The following DERA variants were observed in gnomAD, a reference collection of about 807,000 sequenced individuals.
The protein encoded by DERA is deoxyribose-phosphate aldolase.
A neutral mutation model predicts 41.1 loss-of-function variants in DERA; 15 were observed. The observed-to-expected ratio is 0.37, with a 90% CI of 0.24 to 0.56. The LOEUF (loss-of-function observed/expected upper bound fraction) is 0.56. Ranked by LOEUF, DERA falls within the 20% of genes least tolerant of loss-of-function variation. The pLI is 0.81. For missense variants in DERA, 396 were observed against 403.4 expected (o/e 0.98, Z 0.16); for synonymous variants, 139 against 137.4 (o/e 1.01, Z -0.08).
At chr12:16,033,742 TGTAA>T (rs199755236) in intron 7 of DERA, among the ~76,000 whole-genome samples, 1,871 of 152,232 alleles carry the variant, frequency 0.012, 40 homozygotes, top group African/African-American at 0.042. Context: ...TGACTTTATA[TGTAA>T]GTGTAGCTTC....
At position 15,962,922 on chromosome 12, in the gene DERA, C is replaced by G. The variant is rs1381808291; in HGVS notation, c.483C>G (p.Ser161Arg). 1 of 1,605,626 alleles carries G rather than the reference C, an allele frequency of 6.2e-7. No individual in the cohort carries two copies. The highest frequency in any genetic ancestry group is 8.5e-7 in the Non-Finnish European group (1 of 1,176,070). Residue 161 changes from serine to arginine, a missense_variant, in exon 5 of 9, where the codon AGC becomes AGG. Physicochemically the swap from Ser to Arg is moderately radical, Grantham distance 110. Coordinates refer to ENST00000428559, the MANE Select transcript of DERA (RefSeq NM_015954.4). The stretch of plus-strand genomic sequence containing the variant: ...AAATCGACGTGGTAATTAACAGAAG[C>G]TTGGTGCTGACAGGCCAGTGGGAAG... ...ATEIDVVINR[S>R]LVLTGQWEAL...
chr12:16,018,097 T>A (rs970300052), intron 6 of DERA, among the ~76,000 whole-genome samples: 1 of 152,184 alleles, frequency 6.6e-6, no homozygotes, highest in African/African-American at 2.4e-5. Context: ...CATTGTTAGC[T>A]ATATGTTTTT....
chr12:15,929,834 G>C (rs1948314654), intron 1 of DERA, among the ~76,000 whole-genome samples: 2 of 152,114 alleles, frequency 1.3e-5, no homozygotes, highest in South Asian at 4.1e-4. Flanking sequence ...ATCCCAGTTA[G>C]AGAATTTGGT....
chr12:15,960,192 T>C (rs1282246740), intron 4 of DERA, among the ~76,000 whole-genome samples: 1 of 150,536 alleles, frequency 6.6e-6, no homozygotes, highest in Non-Finnish European at 1.5e-5. Context: ...GCATGACATA[T>C]AGTATATATA....
At chr12:15,951,936 C>T (rs186809315) in intron 1 of DERA, among the ~76,000 whole-genome samples, 1 of 151,030 alleles carries the variant, frequency 6.6e-6, no homozygotes, top group East Asian at 2.0e-4. Context: ...GAGTCTTGCT[C>T]TGTTGCCCAG....
In DERA at chr12:15,966,017, C is replaced by A. The variant is rs1948620082; in HGVS notation, c.508+3070C>A. Among the ~76,000 whole-genome samples the A allele has an allele frequency of 6.6e-6, 1 of 152,156 alleles. No individual in the cohort carries two copies. The highest frequency in any genetic ancestry group is 1.5e-5 in the Non-Finnish European group (1 of 68,030). ...TTTTCTTAGCCATTTATGAAAGAAC[C>A]TACATGCTGGCTTTCCTTTTCCTTC... is the stretch of plus-strand genomic sequence containing the variant. On this transcript the variant is annotated intron_variant, in intron 5 of 8. Coordinates refer to ENST00000428559, the MANE Select transcript of DERA (RefSeq NM_015954.4). The surrounding 1 kb of genome is among the most constrained non-coding windows in gnomAD (Gnocchi z 5.1).
intron 6 of DERA, among the ~76,000 whole-genome samples, chr12:16,028,959 T>A (rs1488419851): frequency 6.6e-6 from 1 of 152,184 alleles, no homozygotes; most frequent in Admixed American, 6.5e-5. Context: ...AAAAAATCTA[T>A]AAAGTGTGGA....
intron 5 of DERA, among the ~76,000 whole-genome samples, chr12:15,969,565 T>C (rs955774810): frequency 6.6e-6 from 1 of 152,228 alleles, no homozygotes; most frequent in African/African-American, 2.4e-5. Flanking sequence ...TTCAATTGTT[T>C]ACCCCTGAAT....
Position 16,010,487 on chromosome 12 carries a change from T to G in DERA, c.638-22055T>G, listed in dbSNP as rs748819931. Among the ~76,000 whole-genome samples the G allele has an allele frequency of 2.6e-5, 4 of 151,718 alleles. No homozygotes were observed. The highest frequency in any genetic ancestry group is 5.9e-5 in the Non-Finnish European group (4 of 67,990). ...TTTCCGAGTTCTGCTGCTTTCCCCT[T>G]TGCCAGCATATACTGCTTTTGTTGA... On this transcript the variant is annotated intron_variant, in intron 6 of 8. Transcript: ENST00000428559. This position sits in a 1 kb window ranked among gnomAD's most constrained non-coding sequence, Gnocchi z 5.5.
chr12:15,948,304 A>C (rs575451118), intron 1 of DERA, among the ~76,000 whole-genome samples: 3 of 152,318 alleles, frequency 2.0e-5, no homozygotes, highest in South Asian at 2.1e-4. Flanking sequence ...GTGTTTTCCA[A>C]CTTGGTTCCA....
rs530301799 is a variant in DERA, at chr12:15,925,383, A to G, written c.31+13969A>G. ...ATTTTCTTCTTATTATTTTGAACAC[A>G]TGCCCCTTAACACCAAAGACAATAA... On this transcript the variant is annotated intron_variant, in intron 1 of 8. Transcript: ENST00000428559. 3.3e-5 allele frequency among the ~76,000 whole-genome samples: 5 copies of G among 152,162 alleles called. No individual in the cohort carries two copies. In the South Asian group the frequency reaches 8.3e-4, roughly 25 times the overall value.
At position 15,982,314 on chromosome 12, in the gene DERA, A is replaced by G. The variant is rs1948737711; in HGVS notation, c.515A>G (p.Tyr172Cys). 2 of 1,612,740 alleles carry G rather than the reference A, an allele frequency of 1.2e-6. No individual in the cohort carries two copies. The highest frequency in any genetic ancestry group is 1.7e-6 in the Non-Finnish European group (2 of 1,179,606). ...CAATTATTTTCTTCCCCAGCCCTGT[A>G]TGATGAGATTCGTCAGTTTCGCAAG... ...LVLTGQWEALYDEIRQFRKAC... is the reference protein window; with the variant it reads ...LVLTGQWEALCDEIRQFRKAC... The change falls in exon 6 of 9, where the codon TAT becomes TGT. Residue 172 changes from tyrosine (Y) to cysteine (C), a missense_variant. By Grantham distance (194) the Tyr-to-Cys change is radical. Transcript: ENST00000428559. The surrounding 1 kb of genome is among the most constrained non-coding windows in gnomAD (Gnocchi z 4.0).
chr12:15,916,790 A>G (rs1020193257), intron 1 of DERA, among the ~76,000 whole-genome samples: 2 of 151,930 alleles, frequency 1.3e-5, no homozygotes, highest in African/African-American at 2.4e-5. Flanking sequence ...AAAATGTTTA[A>G]AATAAGAGAT....
In DERA at chr12:16,019,062, T is replaced by C. The variant is rs547796737; in HGVS notation, c.638-13480T>C. 2.6e-5 allele frequency among the ~76,000 whole-genome samples: 4 copies of C among 152,328 alleles called. No individual in the cohort carries two copies. Among genetic ancestry groups the C allele is most frequent in the East Asian group, 3.9e-4 (2 of 5,178 alleles). ...TGTGAGCTCTGAAGAGAGTCTGTAG[T>C]GCTGTGTGGTGTTGGTAATTCAAAA... On this transcript the variant is annotated intron_variant, in intron 6 of 8. Coordinates refer to ENST00000428559, the MANE Select transcript of DERA (RefSeq NM_015954.4). This position sits in a 1 kb window ranked among gnomAD's most constrained non-coding sequence, Gnocchi z 4.4.
chr12:15,962,803 ACT>A lies in DERA; in HGVS notation c.374-7_374-6del, dbSNP rs1266320950. 2.6e-6 allele frequency: 4 copies of A among 1,517,740 alleles called. No homozygotes were observed. The Admixed American group carries it at 6.4e-5, about 24-fold the overall frequency. 94.0% of individuals were successfully genotyped at this position (1,517,740 alleles called of 1,614,324 possible). On this transcript the variant is annotated splice_polypyrimidine_tract_variant and splice_region_variant and intron_variant, in intron 4 of 8. Transcript: ENST00000428559. Reference sequence around the variant, plus strand: ...CCCTCTTTCTTCATTTCCTTTCTTAACTCTATTAGTGGCCGCTGGATTTCCAG... The same window carrying A: ...CCCTCTTTCTTCATTTCCTTTCTTAACTATTAGTGGCCGCTGGATTTCCAG...
At position 15,948,623 on chromosome 12, in the gene DERA, A is replaced by G. The variant is rs1195804602; in HGVS notation, c.32-8313A>G. 2.6e-5 allele frequency among the ~76,000 whole-genome samples: 4 copies of G among 152,042 alleles called. No homozygotes were observed. In the East Asian group the frequency reaches 5.8e-4, roughly 22 times the overall value. ...TCTAATCTTTTTTTTGAAGGTTTTT[A>G]TCTTCTTTGCGACTGGTCGAACTTC... On this transcript the variant is annotated intron_variant, in intron 1 of 8. Transcript: ENST00000428559.
Position 15,954,325 on chromosome 12 carries a change from T to G in DERA, c.32-2611T>G, listed in dbSNP as rs1948521320. 6.6e-6 allele frequency among the ~76,000 whole-genome samples: 1 copy of G among 152,102 alleles called. No individual in the cohort carries two copies. The highest frequency in any genetic ancestry group is 2.1e-4 in the South Asian group (1 of 4,826). On this transcript the variant is annotated intron_variant, in intron 1 of 8. Coordinates refer to ENST00000428559, the MANE Select transcript of DERA (RefSeq NM_015954.4). This position sits in a 1 kb window ranked among gnomAD's most constrained non-coding sequence, Gnocchi z 4.0. ...CTTCGCTTGGAGTTTTAAAAAATCT[T>G]TTGGGGACATAAACATTTGGACACA...
chr12:15,997,351 A>T lies in DERA; in HGVS notation c.637+14915A>T, dbSNP rs547997247. ...ATTTGCAGGCTTCTAGGATTACTTT[A>T]TAAGCCAAATGAATGAAAAAAATGA... On this transcript the variant is annotated intron_variant, in intron 6 of 8. Transcript: ENST00000428559. Among the ~76,000 whole-genome samples the T allele has an allele frequency of 2.6e-5, 4 of 152,302 alleles. No individual in the cohort carries two copies. In the East Asian group the frequency reaches 7.7e-4, roughly 29 times the overall value.
At position 16,000,296 on chromosome 12, in the gene DERA, C is replaced by T. The variant is rs555622689; in HGVS notation, c.637+17860C>T. ...GTCTAACCGCTTTTCCTCTACTTTTCTGTTCTTGCAACAAGGAAAAACATA... is the reference window on the plus strand; with the variant it reads ...GTCTAACCGCTTTTCCTCTACTTTTTTGTTCTTGCAACAAGGAAAAACATA... On this transcript the variant is annotated intron_variant, in intron 6 of 8. Coordinates refer to ENST00000428559, the MANE Select transcript of DERA (RefSeq NM_015954.4). The surrounding 1 kb of genome is among the most constrained non-coding windows in gnomAD (Gnocchi z 4.8). Among the ~76,000 whole-genome samples, 3 of 152,290 alleles carry T rather than the reference C, an allele frequency of 2.0e-5. No individual in the cohort carries two copies. Among genetic ancestry groups the T allele is most frequent in the African/African-American group, 7.2e-5 (3 of 41,552 alleles).
Sources: allele counts gnomAD v4.1 joint callset (sites outside exome capture counted in the v4.1 genomes callset), GRCh38; gene constraint gnomAD v4.1.1; non-coding constraint Gnocchi (gnomAD v3.1); transcripts MANE v1.5; gene names NCBI Gene and HGNC (gene_info 2026-07-23, HGNC 2026-07-21).